Variants in VAV2 observed in about 807,000 individuals in gnomAD.
VAV2 encodes vav guanine nucleotide exchange factor 2.
VAV2 carries 67 observed loss-of-function variants against 132.5 expected under a neutral mutation model. The observed-to-expected ratio is 0.51, with a 90% CI of 0.42 to 0.62. The LOEUF (loss-of-function observed/expected upper bound fraction) is 0.62, where lower values mean the gene tolerates loss of function less well. Ranked by LOEUF, VAV2 falls within the 20% of genes least tolerant of loss-of-function variation. The pLI, the probability that VAV2 is intolerant of heterozygous loss-of-function variation, is 0.00. For missense variants in VAV2, 938 were observed against 1,153.6 expected (o/e 0.81, Z 2.71); for synonymous variants, 492 against 443.5 (o/e 1.11, Z -1.37).
intron 1 of VAV2, among the ~76,000 whole-genome samples, chr9:133,979,456 G>A (rs1842623249): frequency 6.6e-6 from 1 of 152,198 alleles, no homozygotes; most frequent in Admixed American, 6.5e-5. Flanking sequence ...CCAGGCAGGG[G>A]CTGCATGAGG....
At chr9:133,785,020 C>T (rs1457444920) in intron 17 of VAV2, among the ~76,000 whole-genome samples, 1 of 152,080 alleles carries the variant, frequency 6.6e-6, no homozygotes, top group Admixed American at 6.5e-5. Context: ...AGCGAGTGGC[C>T]GAAGAGAAGA....
Position 133,991,993 on chromosome 9 carries a change from G to T in VAV2, c.204+82C>A. 1 of 1,195,742 alleles carries T rather than the reference G, an allele frequency of 8.4e-7. No individual in the cohort carries two copies. Among genetic ancestry groups the T allele is most frequent in the Non-Finnish European group, 1.1e-6 (1 of 948,688 alleles). 74.1% of individuals were successfully genotyped at this position (1,195,742 alleles called of 1,614,324 possible). A position where few individuals can be genotyped will look rare whatever the true frequency, so the allele number is the denominator to read the frequency against. Reference sequence around the variant, plus strand: ...CAGCCAGGGCGCCTGGGCCGCCGCCGCTGCGACCTCCGCGTTCAGTCCGCG... The same window carrying T: ...CAGCCAGGGCGCCTGGGCCGCCGCCTCTGCGACCTCCGCGTTCAGTCCGCG... On this transcript the variant is annotated intron_variant, in intron 1 of 29. Coordinates refer to ENST00000371850, the MANE Select transcript of VAV2 (RefSeq NM_001134398.2). This position sits in a 1 kb window ranked among gnomAD's most constrained non-coding sequence, Gnocchi z 4.8.
intron 1 of VAV2, among the ~76,000 whole-genome samples, chr9:133,939,622 C>T (rs189453212): frequency 1.3e-3 from 195 of 152,390 alleles, no homozygotes; most frequent in Non-Finnish European, 2.3e-3. Flanking sequence ...CCCAGGCGCA[C>T]CCAGCACATG....
Position 133,840,869 on chromosome 9 carries a change from C to T in VAV2, c.381-6529G>A, listed in dbSNP as rs1220706984. On this transcript the variant is annotated intron_variant, in intron 3 of 29. Transcript: ENST00000371850. This position sits in a 1 kb window ranked among gnomAD's most constrained non-coding sequence, Gnocchi z 4.5. The stretch of plus-strand genomic sequence containing the variant: ...GTGCCACTCACTGTGCCTACAGCTG[C>T]ATGGTGGCCCCACAGTCCAGAGGGA... 3.3e-5 allele frequency among the ~76,000 whole-genome samples: 5 copies of T among 152,172 alleles called. No individual in the cohort carries two copies. The highest frequency in any genetic ancestry group is 7.3e-5 in the Non-Finnish European group (5 of 68,042).
chr9:133,839,095 C>CATGGATGG (rs963030600), intron 3 of VAV2, among the ~76,000 whole-genome samples: 1 of 138,452 alleles, frequency 7.2e-6, no homozygotes, highest in African/African-American at 2.8e-5. Context: ...TAGGTGGGTG[C>CATGGATGG]ATGGATGGAT....
rs1834608720 is a variant in VAV2, at chr9:133,794,083, C to T, written c.1101+1585G>A. On this transcript the variant is annotated intron_variant, in intron 12 of 29. Coordinates refer to ENST00000371850, the MANE Select transcript of VAV2 (RefSeq NM_001134398.2). This position sits in a 1 kb window ranked among gnomAD's most constrained non-coding sequence, Gnocchi z 4.6. ...CGAGGGGCTCAGAGCCACTCGCCAGCCAGACACCGAGTGCTGAGAGTATGA... is the reference window on the plus strand; with the variant it reads ...CGAGGGGCTCAGAGCCACTCGCCAGTCAGACACCGAGTGCTGAGAGTATGA... Among the ~76,000 whole-genome samples the T allele has an allele frequency of 6.6e-6, 1 of 152,148 alleles. No individual in the cohort carries two copies. The highest frequency in any genetic ancestry group is 2.4e-5 in the African/African-American group (1 of 41,420).
At chr9:133,876,056 A>T (rs1838250865) in intron 2 of VAV2, among the ~76,000 whole-genome samples, 1 of 152,102 alleles carries the variant, frequency 6.6e-6, no homozygotes, top group South Asian at 2.1e-4. Context: ...TCAGACTGGG[A>T]CTCACGCCAT....
rs548081557 is a variant in VAV2 at position 133,937,955 on chromosome 9, G to T, written c.321+1148C>A. On this transcript the variant is annotated intron_variant, in intron 2 of 29. Transcript: ENST00000371850. ...TCTGGAGAATTCCAGGAGCGAGGAA[G>T]GGAAGCGCCAAGCCTGGTGGCTCCG... Among the ~76,000 whole-genome samples, 15 of 152,356 alleles carry T rather than the reference G, an allele frequency of 9.8e-5. No homozygotes were observed. In the South Asian group the frequency reaches 1.9e-3, roughly 19 times the overall value.
intron 1 of VAV2, among the ~76,000 whole-genome samples, chr9:133,940,609 C>G (rs1028580045): frequency 4.6e-5 from 7 of 151,884 alleles, no homozygotes; most frequent in Non-Finnish European, 1.0e-4. Context: ...TGGCAGGGGT[C>G]GGCTGCTGTT....
At chr9:133,915,194 C>G (rs1840033928) in intron 2 of VAV2, among the ~76,000 whole-genome samples, 1 of 152,170 alleles carries the variant, frequency 6.6e-6, no homozygotes, top group African/African-American at 2.4e-5. Flanking sequence ...CTGGGGACAT[C>G]AGGGAATTCT....
At chr9:133,770,788 T>C (rs1833595282) in intron 26 of VAV2, among the ~76,000 whole-genome samples, 1 of 152,204 alleles carries the variant, frequency 6.6e-6, no homozygotes, top group Non-Finnish European at 1.5e-5. Context: ...GGAAACACTC[T>C]GTACCCAGCA....
At chr9:133,845,124 G>A (rs556273040) in intron 3 of VAV2, among the ~76,000 whole-genome samples, 47 of 152,352 alleles carry the variant, frequency 3.1e-4, no homozygotes, top group African/African-American at 1.1e-3. Flanking sequence ...CACAGTCGCC[G>A]GATCACACAA....
In VAV2 at chr9:133,796,984, G is replaced by T. The variant is rs188630161; in HGVS notation, c.937-460C>A. 2.4e-3 allele frequency among the ~76,000 whole-genome samples: 370 copies of T among 152,326 alleles called. 1 individual carries two copies. The highest frequency in any genetic ancestry group is 7.8e-3 in the African/African-American group (323 of 41,576). ...TGTGGGGCCACTCCCAGGAACCAGG[G>T]CATTCCCCCATTCATTGACTGGACT... is the stretch of plus-strand genomic sequence containing the variant. On this transcript the variant is annotated intron_variant, in intron 10 of 29. Coordinates refer to ENST00000371850, the MANE Select transcript of VAV2 (RefSeq NM_001134398.2).
intron 26 of VAV2, 72 bp from the exon 27 acceptor site, chr9:133,770,573 C>T (rs1833587655): frequency 1.3e-6 from 2 of 1,584,774 alleles, no homozygotes; most frequent in Admixed American, 3.4e-5. Context: ...CCTGGCCTCC[C>T]TCTCCCACCT....
chr9:133,861,198 GC>G (rs1366984298), intron 3 of VAV2, 175 bp downstream of exon 3: 2 of 459,090 alleles, frequency 4.4e-6, no homozygotes, highest in Non-Finnish European at 7.5e-6. Flanking sequence ...GAAGCCTCCC[GC>G]CCCCCACACC....
Position 133,770,439 on chromosome 9 carries a change from T to C in VAV2, c.2286A>G (p.Thr762=). The change falls in exon 27 of 30, where the codon ACA becomes ACG. Residue 762 remains threonine (T), a synonymous_variant. Transcript: ENST00000371850. ...LKESFKQLDT[T]LKYPYKSRER... ...CCCGGGACTTGTAGGGGTACTTGAG[T>C]GTGGTGTCCAGCTGCTTGAAGCTCT... The C allele has an allele frequency of 6.2e-7, 1 of 1,614,040 alleles. No homozygotes were observed. Among genetic ancestry groups the C allele is most frequent in the Non-Finnish European group, 8.5e-7 (1 of 1,179,952 alleles).
intron 3 of VAV2, among the ~76,000 whole-genome samples, chr9:133,839,763 T>C (rs1048100377): frequency 6.6e-6 from 1 of 152,176 alleles, no homozygotes; most frequent in Non-Finnish European, 1.5e-5. Flanking sequence ...CGAGGAGGCA[T>C]TTTCAAGGAG....
At chr9:133,967,977 C>T (rs1480414709) in intron 1 of VAV2, among the ~76,000 whole-genome samples, 1 of 143,352 alleles carries the variant, frequency 7.0e-6, no homozygotes, top group Non-Finnish European at 1.5e-5. Context: ...CATATGATGT[C>T]TCTCTCATAT....
Position 133,768,477 on chromosome 9 carries a change from C to A in VAV2, c.2554G>T (p.Asp852Tyr), listed in dbSNP as rs1299832987. The part of the protein sequence containing the change: ...VVRIYSRIGG[D>Y]QGWWKGETNG... ...GTCTCGCCCTTCCACCAGCCCTGGT[C>A]TCCGCCGATGCGGCTGTAGATCCTC... Residue 852 changes from aspartate to tyrosine, a missense_variant, in exon 29 of 30, where the codon GAC becomes TAC. By Grantham distance (160) the Asp-to-Tyr change is radical (BLOSUM62 -3). Transcript: ENST00000371850. The surrounding 1 kb of genome is among the most constrained non-coding windows in gnomAD (Gnocchi z 5.3). 1.2e-6 allele frequency: 2 copies of A among 1,613,738 alleles called. No homozygotes were observed. Among genetic ancestry groups the A allele is most frequent in the African/African-American group, 2.7e-5 (2 of 74,906 alleles).
Sources: allele counts gnomAD v4.1 joint callset (sites outside exome capture counted in the v4.1 genomes callset), GRCh38; gene constraint gnomAD v4.1.1; non-coding constraint Gnocchi (gnomAD v3.1); transcripts MANE v1.5; gene names NCBI Gene and HGNC (gene_info 2026-07-23, HGNC 2026-07-21).